The following ABCA12 variants were observed in gnomAD, a reference collection of about 807,000 sequenced individuals.
ABCA12 encodes the protein ATP binding cassette subfamily A member 12.
In ABCA12, 156 loss-of-function variants were observed where a neutral mutation model predicts 293.5. That is an observed-to-expected ratio of 0.53 (90% confidence interval 0.47 to 0.61). The LOEUF (loss-of-function observed/expected upper bound fraction) is 0.61. Ranked by LOEUF, ABCA12 falls within the 20% of genes least tolerant of loss-of-function variation. The pLI is 0.00. For missense variants in ABCA12, 2,797 were observed against 3,090.2 expected, an observed-to-expected ratio of 0.91 and a Z score of 2.25; for synonymous variants, 1,063 against 1,108.0, an observed-to-expected ratio of 0.96 and a Z score of 0.81.
At chr2:215,043,442 A>G (rs993514613) in intron 7 of ABCA12, among the ~76,000 whole-genome samples, 4 of 149,704 alleles carry the variant, frequency 2.7e-5, no homozygotes, top group African/African-American at 1.0e-4. Flanking sequence ...TAGCTGCAGA[A>G]CTTGGATCAG....
intron 2 of ABCA12, among the ~76,000 whole-genome samples, chr2:215,108,471 C>T (rs1228924025): frequency 6.6e-6 from 1 of 152,112 alleles, no homozygotes; most frequent in African/African-American, 2.4e-5. Flanking sequence ...TGGGGCCAGA[C>T]TGCTTGGTTT....
At chr2:215,068,668 T>C (rs1701680402) in intron 2 of ABCA12, among the ~76,000 whole-genome samples, 1 of 152,120 alleles carries the variant, frequency 6.6e-6, no homozygotes, top group African/African-American at 2.4e-5. Flanking sequence ...TCCTTTTCAC[T>C]CACTACTTCC....
intron 39 of ABCA12, chr2:214,962,850 CAAG>C (rs1177674673): frequency 4.6e-5 from 7 of 152,216 alleles, no homozygotes; most frequent in African/African-American, 1.7e-4. Flanking sequence ...AGGCAGAAAT[CAAG>C]AAGTTCTTTG....
chr2:215,036,904 A>G (rs760080172), intron 8 of ABCA12, 49 bp downstream of exon 8: 20 of 1,511,324 alleles, frequency 1.3e-5, no homozygotes, highest in South Asian at 1.2e-4. Flanking sequence ...TATATTTCCA[A>G]TGGGCTTTGT....
intron 5 of ABCA12, among the ~76,000 whole-genome samples, chr2:215,051,073 A>G (rs746331846): frequency 4.6e-5 from 7 of 152,154 alleles, no homozygotes; most frequent in Non-Finnish European, 1.0e-4. Flanking sequence ...ACAAAGTAGC[A>G]TTTTGGAGAA....
At chr2:215,035,422 C>T (rs1394551113) in intron 8 of ABCA12, among the ~76,000 whole-genome samples, 1 of 152,010 alleles carries the variant, frequency 6.6e-6, no homozygotes. Context: ...GTAATCCCAG[C>T]ACTTTGGGAG....
rs111360888 is a variant in ABCA12 at position 214,946,018 on chromosome 2, G to A, written c.7240-914C>T. ...CATAAGTTCTAGTGGTCTATAGGGT[G>A]ACTATAGTTAACAATAATTTCTTGT... On this transcript the variant is annotated intron_variant, in intron 48 of 52. Coordinates refer to ENST00000272895, the MANE Select transcript of ABCA12 (RefSeq NM_173076.3). 9.9e-4 allele frequency among the ~76,000 whole-genome samples: 151 copies of A among 152,104 alleles called. 1 individual carries two copies. Among genetic ancestry groups the A allele is most frequent in the African/African-American group, 3.4e-3 (140 of 41,520 alleles).
At chr2:215,133,753 T>C (rs897946263) in intron 1 of ABCA12, among the ~76,000 whole-genome samples, 9 of 152,168 alleles carry the variant, frequency 5.9e-5, no homozygotes, top group Non-Finnish European at 1.2e-4. Flanking sequence ...AATTGAGAAC[T>C]GATATTACCA....
intron 2 of ABCA12, among the ~76,000 whole-genome samples, chr2:215,090,376 G>A (rs1442431819): frequency 6.6e-6 from 1 of 152,140 alleles, no homozygotes; most frequent in Non-Finnish European, 1.5e-5. Context: ...TCCTCACTCT[G>A]TGAGGAGATC....
intron 39 of ABCA12, among the ~76,000 whole-genome samples, chr2:214,963,992 A>G (rs1699188787): frequency 6.6e-6 from 1 of 151,952 alleles, no homozygotes; most frequent in Non-Finnish European, 1.5e-5. Context: ...AATTCTCAAT[A>G]AAACACTGGC....
intron 2 of ABCA12, chr2:215,075,701 C>A: frequency 5.0e-6 from 3 of 599,030 alleles, no homozygotes; most frequent in Admixed American, 3.2e-5. Context: ...TTTTGATAAC[C>A]CATTAAAAGT....
At chr2:215,003,833 A>C (rs1048616804) in intron 20 of ABCA12, among the ~76,000 whole-genome samples, 1 of 151,914 alleles carries the variant, frequency 6.6e-6, no homozygotes, top group Non-Finnish European at 1.5e-5. Flanking sequence ...ATGCCCAGCT[A>C]GTTTTTGTAT....
chr2:214,985,721 G>C (rs2105970588), intron 28 of ABCA12, among the ~76,000 whole-genome samples: 1 of 152,232 alleles, frequency 6.6e-6, no homozygotes, highest in East Asian at 1.9e-4. Context: ...TGTTTTTGCA[G>C]TCACTGAGCT....
At chr2:215,038,114 G>A (rs1701027287) in intron 7 of ABCA12, among the ~76,000 whole-genome samples, 1 of 152,180 alleles carries the variant, frequency 6.6e-6, no homozygotes, top group East Asian at 1.9e-4. Context: ...TAGCTGTTTA[G>A]AGAACTAAAT....
chr2:214,998,702 C>G (rs1700083648), intron 22 of ABCA12, among the ~76,000 whole-genome samples: 2 of 152,130 alleles, frequency 1.3e-5, no homozygotes, highest in South Asian at 4.1e-4. Flanking sequence ...TGGGCCCCAG[C>G]CTCTGATTTA....
chr2:214,950,717 CT>C (rs1488872303), intron 45 of ABCA12, among the ~76,000 whole-genome samples, 161 bp downstream of exon 45: 2 of 151,990 alleles, frequency 1.3e-5, no homozygotes, highest in Non-Finnish European at 2.9e-5. Flanking sequence ...GTTGGCCAGG[CT>C]GGTCTCAAAC....
chr2:214,934,027 A>T, intron 52 of ABCA12, 51 bp downstream of exon 52: 1 of 1,565,580 alleles, frequency 6.4e-7, no homozygotes, highest in Non-Finnish European at 8.8e-7. Context: ...CAGAATGAAT[A>T]ATAATATTAA....
chr2:215,036,880 A>T, intron 8 of ABCA12, 73 bp downstream of exon 8: 2 of 1,313,122 alleles, frequency 1.5e-6, no homozygotes, highest in South Asian at 1.2e-5. Flanking sequence ...GATTACTTTC[A>T]TTGCACTCTG....
chr2:215,039,589 A>G (rs1454342635), intron 7 of ABCA12, among the ~76,000 whole-genome samples: 2 of 152,078 alleles, frequency 1.3e-5, no homozygotes, highest in Non-Finnish European at 2.9e-5. Context: ...CACCGTCTCT[A>G]CTAAAAATAC....
Sources: allele counts gnomAD v4.1 joint callset (sites outside exome capture counted in the v4.1 genomes callset), GRCh38; gene constraint gnomAD v4.1.1; transcripts MANE v1.5; gene names NCBI Gene and HGNC (gene_info 2026-07-23, HGNC 2026-07-21).